CDH18: variants seen among roughly 807,000 people sequenced by gnomAD.
The protein encoded by CDH18 is cadherin-18.
A neutral mutation model predicts 67.9 loss-of-function variants in CDH18; 31 were observed. That is an observed-to-expected ratio of 0.46 (90% CI 0.34 to 0.62). The LOEUF is 0.62. CDH18 is among the 20% of genes least tolerant of loss of function. The probability of loss-of-function intolerance (pLI) is 0.01; values close to 1 mark genes in which losing one functional copy is unlikely to be tolerated. For missense variants in CDH18, 890 were observed against 975.5 expected (o/e 0.91, Z 1.17); for synonymous variants, 362 against 347.2 (o/e 1.04, Z -0.48).
chr5:19,788,355 T>C (rs1003160655), intron 3 of CDH18, among the ~76,000 whole-genome samples: 9 of 152,234 alleles, frequency 5.9e-5, no homozygotes, highest in Admixed American at 5.2e-4. Context: ...AATTCATTTA[T>C]ATCATTAGTT....
chr5:19,985,511 C>G (rs1368270526), intron 1 of CDH18, among the ~76,000 whole-genome samples: 2 of 151,728 alleles, frequency 1.3e-5, no homozygotes, highest in Non-Finnish European at 2.9e-5. Context: ...TTTTTATTGA[C>G]ACAAGTTGGA....
At chr5:20,125,167 A>G (rs898832921) in intron 2 of CDH18, among the ~76,000 whole-genome samples, 1 of 152,244 alleles carries the variant, frequency 6.6e-6, no homozygotes, top group Non-Finnish European at 1.5e-5. Flanking sequence ...CATACAGTGC[A>G]GTTTGTATTT....
chr5:19,709,004 T>TAACAAAAAATAAA (rs70950088), intron 5 of CDH18, among the ~76,000 whole-genome samples: 1 of 149,072 alleles, frequency 6.7e-6, no homozygotes, highest in South Asian at 2.2e-4. Context: ...CTAGACTCTG[T>TAACAAAAAATAAA]TAAATAAATA....
chr5:20,540,835 T>C (rs1213116032), intron 1 of CDH18, among the ~76,000 whole-genome samples: 1 of 152,214 alleles, frequency 6.6e-6, no homozygotes, highest in Non-Finnish European at 1.5e-5. Context: ...ATAATTCCCA[T>C]ATTAGGGCTG....
intron 1 of CDH18, among the ~76,000 whole-genome samples, chr5:20,278,246 G>A (rs182417544): frequency 2.0e-5 from 3 of 152,084 alleles, no homozygotes; most frequent in African/African-American, 7.2e-5. Context: ...GATAAAGAAA[G>A]GATCCTAAAA....
At chr5:20,261,839 C>T (rs1254179275) in intron 1 of CDH18, among the ~76,000 whole-genome samples, 1 of 151,910 alleles carries the variant, frequency 6.6e-6, no homozygotes, top group Non-Finnish European at 1.5e-5. Context: ...ATTGGAAAAT[C>T]ATCAGCAATA....
chr5:19,920,096 C>T (rs1169244476), intron 2 of CDH18, among the ~76,000 whole-genome samples: 1 of 152,138 alleles, frequency 6.6e-6, no homozygotes, highest in Admixed American at 6.6e-5. Context: ...CATTAGGAAG[C>T]ACTGTTTTTG....
chr5:19,479,114 G>A (rs1738973458), intron 12 of CDH18, among the ~76,000 whole-genome samples: 1 of 152,014 alleles, frequency 6.6e-6, no homozygotes, highest in Non-Finnish European at 1.5e-5. Context: ...TGACTCTAAG[G>A]TCCTTTCAAC....
At position 20,414,979 on chromosome 5, in the gene CDH18, TTC is replaced by T. The variant is rs1386586373; in HGVS notation, c.-579-159476_-579-159475del. On this transcript the variant is annotated intron_variant, in intron 1 of 14. Coordinates refer to the CDH18 transcript ENST00000507958. The stretch of plus-strand genomic sequence containing the variant: ...ATTACTATATAACCCAGAATCACAC[TTC>T]TGAGTATTTACCAAAAAAAATTGAG... Among the ~76,000 whole-genome samples, 3 of 152,182 alleles carry T rather than the reference TTC, an allele frequency of 2.0e-5. No individual in the cohort carries two copies. In the East Asian group the frequency reaches 5.8e-4, roughly 29 times the overall value.
intron 2 of CDH18, among the ~76,000 whole-genome samples, chr5:20,097,862 T>G (rs1421645954): frequency 1.3e-5 from 2 of 152,096 alleles, no homozygotes; most frequent in African/African-American, 4.8e-5. Context: ...TGTTTTGAAA[T>G]GTATTTAGTT....
chr5:19,624,016 A>ATTATTATTATTATTG (rs1161292560), intron 5 of CDH18, among the ~76,000 whole-genome samples: 1 of 147,834 alleles, frequency 6.8e-6, no homozygotes, highest in Non-Finnish European at 1.5e-5. Context: ...TATTATTATT[A>ATTATTATTATTATTG]TTATTATTGA....
At chr5:20,285,594 T>C (rs999698405) in intron 1 of CDH18, among the ~76,000 whole-genome samples, 6 of 151,564 alleles carry the variant, frequency 4.0e-5, no homozygotes, top group African/African-American at 1.2e-4. Context: ...ACACTGATAA[T>C]TTCTAAATGA....
At chr5:19,745,325 G>C (rs1355503985) in intron 4 of CDH18, among the ~76,000 whole-genome samples, 1 of 152,156 alleles carries the variant, frequency 6.6e-6, no homozygotes, top group African/African-American at 2.4e-5. Flanking sequence ...TCCAATGCTC[G>C]TATTGGCTAC....
chr5:19,605,844 A>C lies in CDH18; in HGVS notation c.811+6590T>G, dbSNP rs557591177. On this transcript the variant is annotated intron_variant, in intron 6 of 12. Transcript: ENST00000382275. ...AGACAGGTTGGAGTTCAGAGCTGGCACAGGGGCTGAGAAATTGAGGACAAA... is the reference window on the plus strand; with the variant it reads ...AGACAGGTTGGAGTTCAGAGCTGGCCCAGGGGCTGAGAAATTGAGGACAAA... 3.3e-5 allele frequency among the ~76,000 whole-genome samples: 5 copies of C among 152,254 alleles called. No individual in the cohort carries two copies. In the East Asian group the frequency reaches 9.7e-4, roughly 29 times the overall value.
intron 1 of CDH18, among the ~76,000 whole-genome samples, chr5:20,568,182 G>T (rs1415477277): frequency 6.6e-6 from 1 of 152,156 alleles, no homozygotes; most frequent in East Asian, 1.9e-4. Flanking sequence ...AGGTTCTAGA[G>T]TGAATGTGGC....
At chr5:20,184,100 T>C (rs980643454) in intron 2 of CDH18, among the ~76,000 whole-genome samples, 1 of 152,072 alleles carries the variant, frequency 6.6e-6, no homozygotes, top group African/African-American at 2.4e-5. Flanking sequence ...ATGAAAGTTA[T>C]TGACTTTCAA....
At chr5:19,812,077 G>C (rs1041139556) in intron 3 of CDH18, among the ~76,000 whole-genome samples, 2 of 152,072 alleles carry the variant, frequency 1.3e-5, no homozygotes, top group Non-Finnish European at 2.9e-5. Flanking sequence ...CAAAATGCTA[G>C]ACAAAAATAA....
chr5:20,174,585 T>C (rs1737086916), intron 2 of CDH18, among the ~76,000 whole-genome samples: 1 of 152,172 alleles, frequency 6.6e-6, no homozygotes, highest in Non-Finnish European at 1.5e-5. Flanking sequence ...TCAAACATGC[T>C]AATTTAAAGC....
In CDH18 at chr5:20,400,812, A is replaced by G. The variant is rs80062918; in HGVS notation, c.-579-145307T>C. On this transcript the variant is annotated intron_variant, in intron 1 of 14. Transcript: ENST00000507958. ...AAATAAAATAAGTAAAATAAGTAAT[A>G]AGTAAATAAGTAAACAAATAAACCT... Among the ~76,000 whole-genome samples the G allele has an allele frequency of 0.013, 1,926 of 152,284 alleles. 199 individuals are homozygous for G. The East Asian group carries it at 0.27, about 21-fold the overall frequency.
Sources: allele counts gnomAD v4.1 joint callset (sites outside exome capture counted in the v4.1 genomes callset), GRCh38; gene constraint gnomAD v4.1.1; transcripts MANE v1.5; gene names NCBI Gene and HGNC (gene_info 2026-07-23, HGNC 2026-07-21).